Variants in ST7 observed in about 807,000 individuals in gnomAD.
The protein encoded by ST7 is suppressor of tumorigenicity 7 protein.
A neutral mutation model predicts 78.7 loss-of-function variants in ST7; 28 were observed. The ratio of observed to expected loss-of-function variants is 0.36; its 90% CI spans 0.26 to 0.49. The LOEUF (loss-of-function observed/expected upper bound fraction) is 0.49. Ranked by LOEUF, ST7 falls within the 20% of genes least tolerant of loss-of-function variation. The pLI, the probability that ST7 is intolerant of heterozygous loss-of-function variation, is 0.99. For synonymous variants in ST7, 247 were observed against 249.6 expected (o/e 0.99, Z 0.10); for missense variants, 418 against 696.0 (o/e 0.60, Z 4.49).
chr7:117,034,320 T>C (rs959610811), intron 1 of ST7, among the ~76,000 whole-genome samples: 15 of 152,194 alleles, frequency 9.9e-5, no homozygotes. Context: ...TAGGTATTAT[T>C]ATATTAGTCA....
chr7:117,034,191 G>A (rs867233566), intron 1 of ST7, among the ~76,000 whole-genome samples: 6 of 152,112 alleles, frequency 3.9e-5, no homozygotes, highest in East Asian at 3.9e-4. Flanking sequence ...CTCCTGCCTC[G>A]GCCTCCCAAA....
intron 1 of ST7, chr7:117,076,760 C>G (rs1238859354): frequency 6.6e-6 from 1 of 152,562 alleles, no homozygotes; most frequent in Non-Finnish European, 1.5e-5. Flanking sequence ...TCCTGAAGCC[C>G]CAGGAGGCAT....
intron 1 of ST7, among the ~76,000 whole-genome samples, chr7:117,033,452 C>T (rs1796710823): frequency 6.6e-6 from 1 of 151,020 alleles, no homozygotes; most frequent in Non-Finnish European, 1.5e-5. Flanking sequence ...GAGACAGAGC[C>T]TTGCTCTGTT....
chr7:117,098,876 C>T, intron 1 of ST7: 1 of 1,253,688 alleles, frequency 8.0e-7, no homozygotes, highest in South Asian at 1.3e-5. Flanking sequence ...ATATAAATAA[C>T]AATGACTTAA....
At chr7:116,965,016 G>C (rs766153768) in intron 1 of ST7, among the ~76,000 whole-genome samples, 34 of 152,222 alleles carry the variant, frequency 2.2e-4, no homozygotes, top group Non-Finnish European at 4.4e-4. Context: ...TTAGAGCAAA[G>C]ATATGCAGAC....
intron 1 of ST7, among the ~76,000 whole-genome samples, chr7:117,044,370 C>T (rs988933735): frequency 3.3e-5 from 5 of 152,062 alleles, no homozygotes; most frequent in Non-Finnish European, 5.9e-5. Context: ...ATGTAGATCC[C>T]TAAGGTAGGC....
Position 117,142,481 on chromosome 7 carries a change from G to GA in ST7, c.963+3959dup, listed in dbSNP as rs60946816. On this transcript the variant is annotated intron_variant, in intron 9 of 15. Coordinates refer to ENST00000323984, the MANE Select transcript of ST7 (RefSeq NM_001369598.1). ...TTAACCCCTGTACCTCCCCAGTTGT[G>GA]AAAAAAAAAAGATGTCTCCAGAAGT... 1.7e-3 allele frequency among the ~76,000 whole-genome samples: 257 copies of GA among 147,946 alleles called. 2 individuals carry two copies. Among genetic ancestry groups the GA allele is most frequent in the African/African-American group, 3.8e-3 (153 of 40,596 alleles).
chr7:117,210,076 G>C, intron 13 of ST7, 139 bp downstream of exon 13: 1 of 1,000,980 alleles, frequency 1.0e-6, no homozygotes, highest in Non-Finnish European at 1.4e-6. Context: ...AAGCCAGTTA[G>C]TGACTTAGGT....
intron 13 of ST7, among the ~76,000 whole-genome samples, chr7:117,218,301 G>A (rs916687262): frequency 1.3e-5 from 2 of 152,168 alleles, no homozygotes; most frequent in African/African-American, 4.8e-5. Context: ...ACCTCCGTGA[G>A]TACTGTTCAT....
chr7:117,008,875 A>T (rs1795263479), intron 1 of ST7, among the ~76,000 whole-genome samples: 1 of 152,178 alleles, frequency 6.6e-6, no homozygotes, highest in African/African-American at 2.4e-5. Context: ...TTTATAAGCT[A>T]ACTTTTTTTT....
chr7:117,093,078 G>A (rs1442250739), intron 1 of ST7, among the ~76,000 whole-genome samples: 1 of 152,162 alleles, frequency 6.6e-6, no homozygotes, highest in Non-Finnish European at 1.5e-5. Flanking sequence ...CGGAGATTTA[G>A]GAGCACATGT....
At chr7:117,034,979 A>G (rs1796802188) in intron 1 of ST7, among the ~76,000 whole-genome samples, 1 of 152,214 alleles carries the variant, frequency 6.6e-6, no homozygotes, top group African/African-American at 2.4e-5. Context: ...CGGAAACAGC[A>G]TTGCTACCCT....
chr7:116,994,920 C>A (rs993725356), intron 1 of ST7, among the ~76,000 whole-genome samples: 1 of 151,974 alleles, frequency 6.6e-6, no homozygotes, highest in African/African-American at 2.4e-5. Flanking sequence ...TTTTTTTTAC[C>A]GTTTCCTTCT....
In ST7 at chr7:117,039,331, T is replaced by C. The variant is rs1009352155; in HGVS notation, c.152-60431T>C. The stretch of plus-strand genomic sequence containing the variant: ...GATGGCTCATGTAATGTCAGCACTT[T>C]GAAAGGCCAAGGCAGGAAGATTGCT... On this transcript the variant is annotated intron_variant, in intron 1 of 15. Transcript: ENST00000323984. Among the ~76,000 whole-genome samples the C allele has an allele frequency of 3.3e-5, 5 of 152,300 alleles. No individual in the cohort carries two copies. In the East Asian group the frequency reaches 9.7e-4, roughly 29 times the overall value.
At position 117,025,732 on chromosome 7, in the gene ST7, C is replaced by T. The variant is rs114442796; in HGVS notation, c.151+72041C>T. Among the ~76,000 whole-genome samples, 306 of 152,256 alleles carry T rather than the reference C, an allele frequency of 2.0e-3. 2 individuals are homozygous for T. Among genetic ancestry groups the T allele is most frequent in the African/African-American group, 6.3e-3 (260 of 41,566 alleles). ...TAAAACTCATGTAATGTATTTGACT[C>T]ATCTTACCATATCACTTTTTCTTTT... On this transcript the variant is annotated intron_variant, in intron 1 of 15. Transcript: ENST00000323984.
intron 9 of ST7, among the ~76,000 whole-genome samples, chr7:117,139,251 C>T (rs1805061678): frequency 6.6e-6 from 1 of 152,088 alleles, no homozygotes; most frequent in African/African-American, 2.4e-5. Flanking sequence ...GAAACTGACA[C>T]CAGTATGAAT....
chr7:117,017,567 G>T (rs1414415632), intron 1 of ST7, among the ~76,000 whole-genome samples: 1 of 152,152 alleles, frequency 6.6e-6, no homozygotes, highest in Non-Finnish European at 1.5e-5. Flanking sequence ...GCAGGCAGGG[G>T]TATTCAGACA....
intron 10 of ST7, among the ~76,000 whole-genome samples, chr7:117,181,644 A>T (rs1019306599): frequency 6.6e-6 from 1 of 152,072 alleles, no homozygotes; most frequent in Admixed American, 6.6e-5. Flanking sequence ...AGTATTTTTT[A>T]CTTTTTAAAA....
At chr7:117,073,860 C>G (rs1031304113) in intron 1 of ST7, 1 of 152,184 alleles carries the variant, frequency 6.6e-6, no homozygotes, top group African/African-American at 2.4e-5. Flanking sequence ...TTAGACTTTT[C>G]TTTTCATCTC....
Sources: allele counts gnomAD v4.1 joint callset (sites outside exome capture counted in the v4.1 genomes callset), GRCh38; gene constraint gnomAD v4.1.1; transcripts MANE v1.5; gene names NCBI Gene and HGNC (gene_info 2026-07-23, HGNC 2026-07-21).